The following ERBB3 variants were observed in gnomAD, a reference collection of about 807,000 sequenced individuals.
The protein encoded by ERBB3 is receptor tyrosine-protein kinase erbB-3.
In ERBB3, 96 loss-of-function variants were observed where a neutral mutation model predicts 156.7. The ratio of observed to expected loss-of-function variants is 0.61; its 90% confidence interval spans 0.52 to 0.73. The LOEUF (loss-of-function observed/expected upper bound fraction) is 0.73, where lower values mean the gene tolerates loss of function less well. Ranked by LOEUF, ERBB3 falls within the 30% of genes least tolerant of loss-of-function variation. The pLI is 0.00. For missense variants in ERBB3, 1,406 were observed against 1,709.4 expected, an observed-to-expected ratio of 0.82 and a Z score of 3.13; for synonymous variants, 567 against 632.0, an observed-to-expected ratio of 0.90 and a Z score of 1.54.
intron 7 of ERBB3, 72 bp downstream of exon 7, chr12:56,088,234 GA>G (rs2136795959): frequency 2.0e-6 from 3 of 1,537,628 alleles, no homozygotes; most frequent in Non-Finnish European, 2.7e-6. Flanking sequence ...TTGTGGAAGG[GA>G]AAAAGAATCC....
chr12:56,100,643 TAA>T (rs11317236), intron 26 of ERBB3, among the ~76,000 whole-genome samples: 1,591 of 124,710 alleles, frequency 0.013, 20 homozygotes, highest in African/African-American at 0.039. Flanking sequence ...CCCTGTCTCT[TAA>T]AAAAAAAAAA....
intron 9 of ERBB3, among the ~76,000 whole-genome samples, chr12:56,089,329 C>G (rs1868591226): frequency 6.6e-6 from 1 of 152,060 alleles, no homozygotes; most frequent in South Asian, 2.1e-4. Context: ...CTATGTTGCC[C>G]AGGCTGATCT....
intron 18 of ERBB3, 42 bp from the exon 19 acceptor site, chr12:56,096,706 G>C: frequency 1.2e-6 from 2 of 1,612,718 alleles, no homozygotes; most frequent in Non-Finnish European, 1.7e-6. Context: ...GATTGACCTA[G>C]GGAGAATGAC....
intron 7 of ERBB3, 107 bp downstream of exon 7, chr12:56,088,269 G>A (rs1420211835): frequency 7.8e-7 from 1 of 1,274,606 alleles, no homozygotes; most frequent in Non-Finnish European, 1.1e-6. Flanking sequence ...TAGGGAGATT[G>A]GTGAATGGTT....
intron 17 of ERBB3, 97 bp from the exon 18 acceptor site, chr12:56,096,406 C>T (rs2136816849): frequency 6.7e-7 from 1 of 1,499,096 alleles, no homozygotes; most frequent in Middle Eastern, 2.3e-4. Flanking sequence ...CCTGCCCTTT[C>T]AGCTGTGCTG....
rs1869150628 is a variant in ERBB3, at chr12:56,102,611, C to T, written c.*556C>T. The T allele has an allele frequency of 4.3e-6, 1 of 234,474 alleles. No homozygotes were observed. Among genetic ancestry groups the T allele is most frequent in the African/African-American group, 2.2e-5 (1 of 45,394 alleles). 14.5% of individuals were successfully genotyped at this position (234,474 alleles called of 1,614,324 possible). A position where few individuals can be genotyped will look rare whatever the true frequency, so the allele number is the denominator to read the frequency against. On this transcript the variant is annotated 3_prime_UTR_variant, in exon 28 of 28. Transcript: ENST00000267101. The stretch of plus-strand genomic sequence containing the variant: ...CAGGCATCATACTAAACTTCACCTA[C>T]ATTATCTCACTTAGTCCTTTATCAT...
In ERBB3 at chr12:56,085,088, G is replaced by A. The variant is rs1162297781; in HGVS notation, c.328G>A (p.Val110Ile). Reference protein sequence around the residue: ...PNLRVVRGTQVYDGKFAIFVM... With the variant: ...PNLRVVRGTQIYDGKFAIFVM... ...CCTCCGCGTGGTGCGAGGGACCCAG[G>A]TCTACGATGGGAAGTTTGCCATCTT... The change falls in exon 3 of 28, where the codon GTC becomes ATC. Residue 110 changes from valine (V) to isoleucine (I), a missense_variant. Physicochemically the swap from Val to Ile is conservative, Grantham distance 29. This residue lies in a region of ERBB3 where 979 missense variants were observed against 1,219.6 expected (regional missense o/e 0.80). Transcript: ENST00000267101. 1 of 1,614,096 alleles carries A rather than the reference G, an allele frequency of 6.2e-7. No individual in the cohort carries two copies. The highest frequency in any genetic ancestry group is 2.2e-5 in the East Asian group (1 of 44,876).
intron 21 of ERBB3, 196 bp from the exon 22 acceptor site, chr12:56,098,304 C>T (rs944655134): frequency 1.8e-5 from 11 of 596,122 alleles, no homozygotes; most frequent in African/African-American, 9.4e-5. Flanking sequence ...CCCAGCTACT[C>T]GGGAGGCTGA....
At position 56,101,973 on chromosome 12, in the gene ERBB3, T is replaced by G. The variant is rs1869128850; in HGVS notation, c.3947T>G (p.Leu1316Ter). 2 of 1,613,848 alleles carry G rather than the reference T, an allele frequency of 1.2e-6. No homozygotes were observed. The highest frequency in any genetic ancestry group is 4.5e-5 in the East Asian group (2 of 44,872). The change falls in exon 28 of 28, where the codon TTA becomes TGA. Residue 1316 changes from leucine to a stop codon, truncating the protein, a stop_gained. Transcript: ENST00000267101. LOFTEE classifies it high-confidence loss of function. ...HYARLKTLRSLEATDSAFDNP... is the reference protein window; with the variant it reads ...HYARLKTLRS ...GCCCGCCTAAAAACTCTACGTAGCT[T>G]AGAGGCTACAGACTCTGCCTTTGAT...
Position 56,083,512 on chromosome 12 carries a change from A to G in ERBB3, c.83-239A>G, listed in dbSNP as rs1175106915. On this transcript the variant is annotated intron_variant, in intron 1 of 27. Transcript: ENST00000267101. ...AGAAGCACAGAGGGGTCCCAGGTTGAAAAAGGAAATCTTTTCACCTTCCCA... is the reference window on the plus strand; with the variant it reads ...AGAAGCACAGAGGGGTCCCAGGTTGGAAAAGGAAATCTTTTCACCTTCCCA... The G allele has an allele frequency of 1.1e-5, 6 of 551,488 alleles. No individual in the cohort carries two copies. In the African/African-American group the frequency reaches 1.1e-4, roughly 10 times the overall value. The allele number at this position is 551,488 out of a possible 1,614,324, so 34.2% of individuals were successfully genotyped here.
intron 15 of ERBB3, among the ~76,000 whole-genome samples, chr12:56,094,819 C>T (rs546188005): frequency 5.9e-5 from 9 of 152,258 alleles, no homozygotes; most frequent in African/African-American, 1.9e-4. Flanking sequence ...GGCGTGGTGG[C>T]GCATGCCTGT....
Position 56,098,551 on chromosome 12 carries a change from C to T in ERBB3, c.2668C>T (p.His890Tyr). Residue 890 changes from histidine (H) to tyrosine (Y), a missense_variant, in exon 22 of 28, where the codon CAC becomes TAC. Physicochemically the swap from His to Tyr is moderately conservative, Grantham distance 83. Transcript: ENST00000267101. ...LESIHFGKYT[H>Y]QSDVWSYGVT... Reference sequence around the variant, plus strand: ...GAGTATCCACTTTGGGAAATACACACACCAGAGTGATGTCTGGAGCTATGG... The same window carrying T: ...GAGTATCCACTTTGGGAAATACACATACCAGAGTGATGTCTGGAGCTATGG... 2 of 1,613,740 alleles carry T rather than the reference C, an allele frequency of 1.2e-6. No homozygotes were observed. The highest frequency in any genetic ancestry group is 1.7e-6 in the Non-Finnish European group (2 of 1,179,594).
intron 9 of ERBB3, among the ~76,000 whole-genome samples, chr12:56,091,007 T>C (rs1027509321): frequency 2.0e-5 from 3 of 151,922 alleles, no homozygotes; most frequent in African/African-American, 7.3e-5. Flanking sequence ...GTTTTGTTTA[T>C]CTTTCATGAT....
chr12:56,080,460 C>A, intron 1 of ERBB3, 78 bp downstream of exon 1: 1 of 1,221,180 alleles, frequency 8.2e-7, no homozygotes. Context: ...AGGGTATGGG[C>A]ACGGTCTCAG....
In ERBB3 at chr12:56,088,743, T is replaced by G; in HGVS notation, c.989-5T>G. The G allele has an allele frequency of 6.2e-7, 1 of 1,614,182 alleles. No individual in the cohort carries two copies. Among genetic ancestry groups the G allele is most frequent in the Admixed American group, 1.7e-5 (1 of 60,018 alleles). ...ACCCCCACTGAACCTCTCTTACATT[T>G]GCAGCCTGTGAGGGAACAGGCTCTG... On this transcript the variant is annotated splice_region_variant and splice_polypyrimidine_tract_variant and intron_variant, in intron 8 of 27. Coordinates refer to ENST00000267101, the MANE Select transcript of ERBB3 (RefSeq NM_001982.4).
At chr12:56,086,796 A>C in intron 4 of ERBB3, 140 bp downstream of exon 4, 1 of 983,850 alleles carries the variant, frequency 1.0e-6, no homozygotes, top group South Asian at 1.3e-5. Context: ...GCAGCCCACC[A>C]GGGCAGACCA....
At position 56,095,891 on chromosome 12, in the gene ERBB3, C is replaced by T. The variant is rs1204394567; in HGVS notation, c.2055+85C>T. 7.6e-6 allele frequency: 11 copies of T among 1,443,250 alleles called. No homozygotes were observed. The East Asian group carries it at 1.6e-4, about 21-fold the overall frequency. The allele number at this position is 1,443,250 out of a possible 1,614,324, so 89.4% of individuals were successfully genotyped here. A position where few individuals can be genotyped will look rare whatever the true frequency, so the allele number is the denominator to read the frequency against. On this transcript the variant is annotated intron_variant, in intron 17 of 27. Coordinates refer to ENST00000267101, the MANE Select transcript of ERBB3 (RefSeq NM_001982.4). ...TTTATAGCTTAATTTTGAGTGGTAC[C>T]CTGTGCACCCAGGGGTCAGTGATGG...
At position 56,095,274 on chromosome 12, in the gene ERBB3, T is replaced by G; in HGVS notation, c.1877T>G (p.Leu626Arg). ...NCTQGCKGPELQDCLGQTLVL... is the reference protein window; with the variant it reads ...NCTQGCKGPERQDCLGQTLVL... ...TTCCCTAGGTGTAAAGGACCAGAGC[T>G]TCAAGACTGTTTAGGACAAACACTG... The change falls in exon 16 of 28, where the codon CTT (leucine) becomes CGT (arginine). Residue 626 changes from leucine to arginine, a missense_variant. Physicochemically the swap from Leu to Arg is moderately radical, Grantham distance 102 (BLOSUM62 -2). Around this residue, in one of 3 missense-constraint regions of ERBB3, gnomAD observed 979 missense variants for 1,219.6 expected, o/e 0.80. Transcript: ENST00000267101. The G allele has an allele frequency of 6.2e-7, 1 of 1,613,858 alleles. No individual in the cohort carries two copies. Among genetic ancestry groups the G allele is most frequent in the Non-Finnish European group, 8.5e-7 (1 of 1,179,718 alleles).
Position 56,102,153 on chromosome 12 carries a change from C to T in ERBB3, c.*98C>T. 2 of 1,081,732 alleles carry T rather than the reference C, an allele frequency of 1.8e-6. No individual in the cohort carries two copies. Among genetic ancestry groups the T allele is most frequent in the Non-Finnish European group, 2.8e-6 (2 of 710,920 alleles). 67.0% of individuals were successfully genotyped at this position (1,081,732 alleles called of 1,614,324 possible). ...ATTCCCTCTCTCTCCCAGGTCCCAG[C>T]CCCTTTTCCCCAGTCCCAGACAATT... On this transcript the variant is annotated 3_prime_UTR_variant, in exon 28 of 28. Transcript: ENST00000267101.
Sources: allele counts gnomAD v4.1 joint callset (sites outside exome capture counted in the v4.1 genomes callset), GRCh38; gene constraint gnomAD v4.1.1; regional missense constraint gnomAD v4.1.1; transcripts MANE v1.5; gene names NCBI Gene and HGNC (gene_info 2026-07-23, HGNC 2026-07-21).